Variants in DENND3 observed in about 807,000 individuals in gnomAD.
The protein encoded by DENND3 is DENN domain-containing protein 3.
A neutral mutation model predicts 135.1 loss-of-function variants in DENND3; 88 were observed. The observed-to-expected ratio is 0.65, with a 90% confidence interval of 0.55 to 0.78. DENND3 has a LOEUF of 0.78. Ranked by LOEUF, DENND3 falls within the 30% of genes least tolerant of loss-of-function variation. The pLI, the probability that DENND3 is intolerant of heterozygous loss-of-function variation, is 0.00. For synonymous variants in DENND3, 693 were observed against 712.3 expected, an observed-to-expected ratio of 0.97 and a Z score of 0.43; for missense variants, 1,392 against 1,688.4, an observed-to-expected ratio of 0.82 and a Z score of 3.08.
In DENND3 at chr8:141,168,304, C is replaced by T; in HGVS notation, c.2054C>T (p.Ala685Val). The T allele has an allele frequency of 6.2e-7, 1 of 1,614,024 alleles. No homozygotes were observed. The highest frequency in any genetic ancestry group is 1.1e-5 in the South Asian group (1 of 91,076). Residue 685 changes from alanine to valine, a missense_variant, in exon 13 of 23, where the codon GCC becomes GTC. Physicochemically the swap from Ala to Val is moderately conservative, Grantham distance 64. Coordinates refer to ENST00000519811, the MANE Select transcript of DENND3 (RefSeq NM_001352890.3). This position sits in a 1 kb window ranked among gnomAD's most constrained non-coding sequence, Gnocchi z 6.2. ...AAGAGGACGGTGGAATCCATGTCTG[C>T]CCCTGAGTGGGAGGGGGCTGAGCAG... ...LVKRTVESMS[A>V]PEWEGAEQAP...
chr8:141,139,011 G>A lies in DENND3; in HGVS notation c.501+874G>A, dbSNP rs1054549439. 9.2e-5 allele frequency among the ~76,000 whole-genome samples: 14 copies of A among 152,180 alleles called. No homozygotes were observed. The highest frequency in any genetic ancestry group is 7.2e-4 in the Admixed American group (11 of 15,282). Reference sequence around the variant, plus strand: ...TTGGGAGTGTTGTCTGGGTAGGGCCGTGTGTGTGAATCAGTGGGCCTTTGG... The same window carrying A: ...TTGGGAGTGTTGTCTGGGTAGGGCCATGTGTGTGAATCAGTGGGCCTTTGG... On this transcript the variant is annotated intron_variant, in intron 3 of 22. Transcript: ENST00000519811. The surrounding 1 kb of genome is among the most constrained non-coding windows in gnomAD (Gnocchi z 4.2).
At chr8:141,183,327 C>A (rs1292116158) in intron 17 of DENND3, among the ~76,000 whole-genome samples, 1 of 152,146 alleles carries the variant, frequency 6.6e-6, no homozygotes, top group South Asian at 2.1e-4. Flanking sequence ...CTCACTGCAA[C>A]CTCTGCCTCC....
At chr8:141,157,862 C>T (rs770307367) in intron 8 of DENND3, 173 of 882,508 alleles carry the variant, frequency 2.0e-4, no homozygotes, top group Non-Finnish European at 2.3e-4. Context: ...CAGGTTCAAG[C>T]GATTCTCCTG....
intron 7 of DENND3, among the ~76,000 whole-genome samples, chr8:141,153,219 G>A (rs979156755): frequency 6.7e-6 from 1 of 149,868 alleles, no homozygotes; most frequent in Non-Finnish European, 1.5e-5. Context: ...TCAGCCTCCC[G>A]AGTAGCTGGG....
At chr8:141,156,495 C>G (rs1410060449) in intron 8 of DENND3, among the ~76,000 whole-genome samples, 1 of 152,210 alleles carries the variant, frequency 6.6e-6, no homozygotes, top group Non-Finnish European at 1.5e-5. Flanking sequence ...GAAACCTACT[C>G]AACCTCTGTG....
chr8:141,192,889 A>C lies in DENND3; in HGVS notation c.3636+226A>C, dbSNP rs765610896. ...AAGCACTCCACAGCGCATTCCCCCA[A>C]ACTGGATGGCTTCAAATGACAGAAC... On this transcript the variant is annotated intron_variant, in intron 22 of 22. Coordinates refer to ENST00000519811, the MANE Select transcript of DENND3 (RefSeq NM_001352890.3). 7.4e-6 allele frequency: 11 copies of C among 1,493,200 alleles called. No individual in the cohort carries two copies. In the South Asian group the frequency reaches 1.2e-4, roughly 17 times the overall value. The allele number at this position is 1,493,200 out of a possible 1,614,324, so 92.5% of individuals were successfully genotyped here.
chr8:141,158,196 A>T, intron 8 of DENND3: 2 of 1,289,700 alleles, frequency 1.6e-6, no homozygotes, highest in Non-Finnish European at 2.0e-6. Flanking sequence ...TCCCCAGCCA[A>T]GGGCACCTGA....
chr8:141,190,512 C>G, intron 20 of DENND3, 95 bp downstream of exon 20: 9 of 1,429,812 alleles, frequency 6.3e-6, no homozygotes, highest in Non-Finnish European at 8.2e-6. Context: ...TCCTTTGCTT[C>G]ACGCCTTTCC....
rs780069529 is a variant in DENND3 at position 141,176,768 on chromosome 8, G to C, written c.2706+7G>C. 1 of 1,611,892 alleles carries C rather than the reference G, an allele frequency of 6.2e-7. No homozygotes were observed. The highest frequency in any genetic ancestry group is 1.1e-5 in the South Asian group (1 of 91,038). ...GCTGGCCGATGACCACAAGGTGGGA[G>C]ACGCGGGTCCCCTCTGCCCTTTGCT... On this transcript the variant is annotated splice_region_variant and intron_variant, in intron 15 of 22. Coordinates refer to ENST00000519811, the MANE Select transcript of DENND3 (RefSeq NM_001352890.3).
At chr8:141,161,796 GC>G (rs1401303534) in intron 9 of DENND3, among the ~76,000 whole-genome samples, 4 of 147,566 alleles carry the variant, frequency 2.7e-5, no homozygotes, top group African/African-American at 7.5e-5. Flanking sequence ...AATTTGAGTG[GC>G]CTTTTTTTTT....
At chr8:141,149,265 A>G (rs761051800) in intron 5 of DENND3, among the ~76,000 whole-genome samples, 2 of 152,238 alleles carry the variant, frequency 1.3e-5, no homozygotes, top group African/African-American at 2.4e-5. Flanking sequence ...GTAACAAGAA[A>G]GCAAAGAGAC....
chr8:141,192,982 G>A (rs905898616), intron 22 of DENND3: 5 of 1,086,374 alleles, frequency 4.6e-6, no homozygotes, highest in Non-Finnish European at 6.1e-6. Context: ...GCTTCCCTCG[G>A]GGGCTCGGGG....
rs955533872 is a variant in DENND3 at position 141,168,700 on chromosome 8, G to A, written c.2275+175G>A. On this transcript the variant is annotated intron_variant, in intron 13 of 22. Transcript: ENST00000519811. The surrounding 1 kb of genome is among the most constrained non-coding windows in gnomAD (Gnocchi z 6.2). Reference sequence around the variant, plus strand: ...AGCTGGGACTAGACTACAGGTACGCGACACCGTGCCCGGCTAATTTTAGTA... The same window carrying A: ...AGCTGGGACTAGACTACAGGTACGCAACACCGTGCCCGGCTAATTTTAGTA... Among the ~76,000 whole-genome samples, 1 of 151,814 alleles carries A rather than the reference G, an allele frequency of 6.6e-6. No individual in the cohort carries two copies. The highest frequency in any genetic ancestry group is 6.6e-5 in the Admixed American group (1 of 15,252).
chr8:141,194,821 G>GT lies in DENND3; in HGVS notation c.*589dup, dbSNP rs936594739. On this transcript the variant is annotated 3_prime_UTR_variant, in exon 23 of 23. Transcript: ENST00000519811. ...GTGGAGGGGACCACCCTGCGATCAG[G>GT]TGTTTGCGACAGGGGTTGGGCCAGC... 6.6e-6 allele frequency: 1 copy of GT among 152,398 alleles called. No individual in the cohort carries two copies. Among genetic ancestry groups the GT allele is most frequent in the African/African-American group, 2.4e-5 (1 of 41,426 alleles). The allele number at this position is 152,398 out of a possible 1,614,324, so 9.4% of individuals were successfully genotyped here. A position where few individuals can be genotyped will look rare whatever the true frequency, so the allele number is the denominator to read the frequency against.
At chr8:141,192,172 TCCC>T (rs1364088895) in intron 20 of DENND3, 156 bp from the exon 21 acceptor site, 1 of 916,368 alleles carries the variant, frequency 1.1e-6, no homozygotes, top group Non-Finnish European at 1.6e-6. Flanking sequence ...TTGCATTTTT[TCCC>T]AGTAGACCTC....
chr8:141,155,927 A>C lies in DENND3; in HGVS notation c.1153A>C (p.Ile385Leu), dbSNP rs1408778720. The stretch of plus-strand genomic sequence containing the variant: ...CAAGTCCACGGACGATAACGTGGAC[A>C]TTCCTGATGTCCCCCTCCTGGCAGC... ...YSKSTDDNVD[I>L]PDVPLLAAQT... Residue 385 changes from isoleucine (I) to leucine (L), a missense_variant, in exon 8 of 23, where the codon ATT (isoleucine) becomes CTT (leucine). By Grantham distance (5) the Ile-to-Leu change is conservative. Coordinates refer to ENST00000519811, the MANE Select transcript of DENND3 (RefSeq NM_001352890.3). The C allele has an allele frequency of 1.9e-6, 3 of 1,612,590 alleles. No individual in the cohort carries two copies. The highest frequency in any genetic ancestry group is 2.2e-5 in the South Asian group (2 of 90,832).
chr8:141,140,210 C>T lies in DENND3; in HGVS notation c.502-993C>T, dbSNP rs570932333. On this transcript the variant is annotated intron_variant, in intron 3 of 22. Coordinates refer to ENST00000519811, the MANE Select transcript of DENND3 (RefSeq NM_001352890.3). ...AGCTACATGTCCAGCCCCCAACTATCGTTCTATTGATAACACAGCCCCAGC... is the reference window on the plus strand; with the variant it reads ...AGCTACATGTCCAGCCCCCAACTATTGTTCTATTGATAACACAGCCCCAGC... Among the ~76,000 whole-genome samples, 10 of 152,292 alleles carry T rather than the reference C, an allele frequency of 6.6e-5. No homozygotes were observed. The East Asian group carries it at 1.3e-3, about 21-fold the overall frequency.
intron 5 of DENND3, among the ~76,000 whole-genome samples, chr8:141,148,921 T>TC (rs1247295312): frequency 6.6e-6 from 1 of 152,164 alleles, no homozygotes; most frequent in African/African-American, 2.4e-5. Context: ...CTGCCTTTTT[T>TC]TTTTTTTGAG....
At chr8:141,150,434 T>A in intron 5 of DENND3, 1 of 676,338 alleles carries the variant, frequency 1.5e-6, no homozygotes, top group Non-Finnish European at 2.1e-6. Context: ...TCAAAGCTAT[T>A]AAAAGAGAGT....
Sources: gnomAD v4.1 joint callset for allele counts (sites outside exome capture counted in the v4.1 genomes callset) on GRCh38, gnomAD v4.1.1 for gene constraint, Gnocchi (gnomAD v3.1) non-coding constraint, MANE v1.5 for transcripts, NCBI Gene and HGNC (gene_info 2026-07-23, HGNC 2026-07-21) for gene names.